TMEM164: variants seen among roughly 807,000 people sequenced by gnomAD.
TMEM164 encodes transmembrane protein 164.
A neutral mutation model predicts 18.8 loss-of-function variants in TMEM164; 4 were observed. The observed-to-expected ratio is 0.21, with a 90% confidence interval of 0.10 to 0.49. The LOEUF (loss-of-function observed/expected upper bound fraction) is 0.49, where lower values mean the gene tolerates loss of function less well. Among genes scored for constraint, TMEM164 ranks in the 20% least tolerant of loss-of-function variants. The pLI is 0.98. For missense variants in TMEM164, 108 were observed against 239.9 expected, an observed-to-expected ratio of 0.45 and a Z score of 3.63; for synonymous variants, 86 against 101.7, an observed-to-expected ratio of 0.85 and a Z score of 0.93.
intron 3 of TMEM164, among the ~76,000 whole-genome samples, chrX:110,097,427 G>T (rs1176080870): frequency 8.9e-6 from 1 of 112,882 alleles, no homozygotes; most frequent in African/African-American, 3.2e-5. Flanking sequence ...AAAAACAGAT[G>T]AAGTAGAGCT....
intron 3 of TMEM164, among the ~76,000 whole-genome samples, chrX:110,090,484 T>C (rs2065910074): frequency 9.1e-6 from 1 of 109,777 alleles, no homozygotes; most frequent in Admixed American, 9.8e-5. Flanking sequence ...TTTTTGTATT[T>C]ATTTATTTTT....
intron 3 of TMEM164, among the ~76,000 whole-genome samples, chrX:110,075,315 GA>G (rs1473780587): frequency 1.8e-5 from 2 of 111,795 alleles, no homozygotes; most frequent in African/African-American, 6.5e-5. Context: ...TTTGTATCCT[GA>G]AACTTCACTG....
chrX:110,165,703 G>A (rs1254805567), intron 5 of TMEM164, among the ~76,000 whole-genome samples: 1 of 112,182 alleles, frequency 8.9e-6, no homozygotes, highest in Non-Finnish European at 1.9e-5. Context: ...ATCTGCTGGT[G>A]TAGTGGATAG....
chrX:110,017,079 A>G (rs1183278704), intron 2 of TMEM164, among the ~76,000 whole-genome samples: 1 of 112,276 alleles, frequency 8.9e-6, no homozygotes, highest in Non-Finnish European at 1.9e-5. Flanking sequence ...ACCAAATCAG[A>G]GCTGAAAGAA....
At chrX:110,077,859 C>T (rs1446348569) in intron 3 of TMEM164, among the ~76,000 whole-genome samples, 1 of 112,105 alleles carries the variant, frequency 8.9e-6, no homozygotes, top group African/African-American at 3.2e-5. Context: ...TGTAAGTGAT[C>T]TGACCCTTTT....
At chrX:110,018,520 T>C (rs1207460010) in intron 2 of TMEM164, among the ~76,000 whole-genome samples, 2 of 112,570 alleles carry the variant, frequency 1.8e-5, no homozygotes, top group African/African-American at 6.5e-5. Context: ...TGTGCAACTC[T>C]GGGAAAGTTA....
rs376172046 is a variant in TMEM164 at position 110,171,452 on chromosome X, C to T, written c.619C>T (p.Arg207Trp). 9.1e-6 allele frequency: 11 copies of T among 1,208,152 alleles called. No homozygotes were observed. The highest frequency in any genetic ancestry group is 1.8e-5 in the South Asian group (1 of 56,531). ...CACTCCAGAGCCCCTCAGCAGTTTC[C>T]GGTGGGCTCTTCTCTCAACTGGCCT... ...AYTPEPLSSFRWALLSTGLMF... is the reference protein window; with the variant it reads ...AYTPEPLSSFWWALLSTGLMF... Residue 207 changes from arginine (R) to tryptophan (W), a missense_variant, in exon 6 of 7, where the codon CGG becomes TGG. Arg to Trp is a moderately radical substitution (Grantham distance 101). Coordinates refer to ENST00000372068, the MANE Select transcript of TMEM164 (RefSeq NM_032227.4).
intron 5 of TMEM164, among the ~76,000 whole-genome samples, chrX:110,153,149 A>G (rs1185998730): frequency 1.8e-5 from 2 of 111,823 alleles, no homozygotes; most frequent in African/African-American, 6.5e-5. Flanking sequence ...AACTCATGTC[A>G]GTAGTTACTT....
chrX:110,087,359 C>T (rs191853589), intron 3 of TMEM164, among the ~76,000 whole-genome samples: 24 of 111,614 alleles, frequency 2.2e-4, no homozygotes, highest in Non-Finnish European at 3.2e-4. Context: ...GTTGGGCTCT[C>T]TTGTTTGTTG....
chrX:110,132,709 A>T (rs2066629990), intron 4 of TMEM164, among the ~76,000 whole-genome samples: 1 of 111,681 alleles, frequency 9.0e-6, no homozygotes, highest in African/African-American at 3.3e-5. Context: ...ATAACATTTC[A>T]TGTTAATATA....
rs34180052 is a variant in TMEM164 at position 110,116,876 on chromosome X, G to GGTGTGT, written c.507+7750_507+7755dup. Among the ~76,000 whole-genome samples, 352 of 98,979 alleles carry GGTGTGT rather than the reference G, an allele frequency of 3.6e-3. 2 individuals carry two copies. The highest frequency in any genetic ancestry group is 0.02 in the Middle Eastern group (4 of 200). The allele number at this position is 98,979 out of a possible 115,157, so 86.0% of individuals were successfully genotyped here. A position where few individuals can be genotyped will look rare whatever the true frequency, so the allele number is the denominator to read the frequency against. On this transcript the variant is annotated intron_variant, in intron 4 of 6. Coordinates refer to ENST00000372068, the MANE Select transcript of TMEM164 (RefSeq NM_032227.4). ...TGCGCGTGTGCGTGTGTGTGTGTGT[G>GGTGTGT]GTGTGTGTGTGTGTGTGTGTGTGTG... is the stretch of plus-strand genomic sequence containing the variant.
intron 3 of TMEM164, among the ~76,000 whole-genome samples, chrX:110,076,816 A>G (rs2065678134): frequency 8.9e-6 from 1 of 112,116 alleles, no homozygotes; most frequent in South Asian, 3.7e-4. Flanking sequence ...GTGGAACAAG[A>G]GTATGCTTGG....
Position 110,175,891 on chromosome X carries a change from C to T in TMEM164, c.*2440C>T, listed in dbSNP as rs768257550. 2.0e-5 allele frequency: 15 copies of T among 754,429 alleles called. No homozygotes were observed. Among genetic ancestry groups the T allele is most frequent in the Non-Finnish European group, 2.2e-5 (14 of 639,677 alleles). 62.2% of individuals were successfully genotyped at this position (754,429 alleles called of 1,213,427 possible). On this transcript the variant is annotated 3_prime_UTR_variant, in exon 7 of 7. Transcript: ENST00000372068. Reference sequence around the variant, plus strand: ...ACCCAACCAGACTCTTGGCAGCCTGCCTTACAGGGTAGCCCACCTTATAGG... The same window carrying T: ...ACCCAACCAGACTCTTGGCAGCCTGTCTTACAGGGTAGCCCACCTTATAGG...
rs892218961 is a variant in TMEM164 at position 110,175,859 on chromosome X, A to G, written c.*2408A>G. The G allele has an allele frequency of 2.4e-5, 18 of 754,280 alleles. No individual in the cohort carries two copies. The African/African-American group carries it at 3.9e-4, about 16-fold the overall frequency. 62.2% of individuals were successfully genotyped at this position (754,280 alleles called of 1,213,427 possible). On this transcript the variant is annotated 3_prime_UTR_variant, in exon 7 of 7. Transcript: ENST00000372068. Reference sequence around the variant, plus strand: ...TATCTTGGGCCAAGCCAACGTGGAGAGAAGCAACCCAACCAGACTCTTGGC... The same window carrying G: ...TATCTTGGGCCAAGCCAACGTGGAGGGAAGCAACCCAACCAGACTCTTGGC...
chrX:110,064,213 G>A (rs1270443729), intron 2 of TMEM164, among the ~76,000 whole-genome samples: 1 of 111,785 alleles, frequency 8.9e-6, no homozygotes, highest in Non-Finnish European at 1.9e-5. Context: ...TGCCAAGTTG[G>A]TACTGGGGTA....
intron 2 of TMEM164, among the ~76,000 whole-genome samples, chrX:110,037,990 T>TTTTTTTTTTTTG (rs1934899254): frequency 1.1e-5 from 1 of 92,721 alleles, no homozygotes; most frequent in African/African-American, 4.3e-5. Flanking sequence ...ACTCATTTTT[T>TTTTTTTTTTTTG]TTTTTTTTTT....
intron 3 of TMEM164, among the ~76,000 whole-genome samples, chrX:110,099,057 C>T (rs1418032581): frequency 2.8e-5 from 3 of 108,007 alleles, no homozygotes; most frequent in Non-Finnish European, 5.7e-5. Context: ...CTTGGCCTCC[C>T]AAAGTGCTGG....
chrX:110,038,133 G>A (rs1030868641), intron 2 of TMEM164, among the ~76,000 whole-genome samples: 1 of 107,467 alleles, frequency 9.3e-6, no homozygotes, highest in Non-Finnish European at 1.9e-5. Flanking sequence ...TGGGACTACA[G>A]GCGCCCGCCA....
downstream of TMEM164, among the ~76,000 whole-genome samples, chrX:110,180,344 G>A (rs1210599227): frequency 8.9e-6 from 1 of 112,460 alleles, no homozygotes; most frequent in Non-Finnish European, 1.9e-5. Context: ...GTCCTGGTTT[G>A]CCAGTGCCAG....
Sources: gnomAD v4.1 joint callset for allele counts (sites outside exome capture counted in the v4.1 genomes callset) on GRCh38, gnomAD v4.1.1 for gene constraint, MANE v1.5 for transcripts, NCBI Gene and HGNC (gene_info 2026-07-23, HGNC 2026-07-21) for gene names.